Variants in CRPPA observed in about 807,000 individuals in gnomAD.
The protein encoded by CRPPA is CDP-L-ribitol pyrophosphorylase A.
CRPPA carries 43 observed loss-of-function variants against 52.0 expected under a neutral mutation model. That is an observed-to-expected ratio of 0.83 (90% CI 0.65 to 1.07). The LOEUF (loss-of-function observed/expected upper bound fraction) is 1.07. Ranked by LOEUF, CRPPA falls within the 50% of genes least tolerant of loss-of-function variation. The pLI is 0.00. For missense variants in CRPPA, 629 were observed against 551.7 expected (o/e 1.14, Z -1.40); for synonymous variants, 250 against 203.5 (o/e 1.23, Z -1.94).
At chr7:16,170,046 A>G (rs936212313) in intron 9 of CRPPA, among the ~76,000 whole-genome samples, 1 of 152,194 alleles carries the variant, frequency 6.6e-6, no homozygotes, top group African/African-American at 2.4e-5. Context: ...GTTTTAATAC[A>G]TATTAAAGTG....
At chr7:16,375,408 G>A (rs1190283815) in intron 3 of CRPPA, among the ~76,000 whole-genome samples, 1 of 152,154 alleles carries the variant, frequency 6.6e-6, no homozygotes, top group Non-Finnish European at 1.5e-5. Flanking sequence ...AATTATGTAA[G>A]TACAGCAGCA....
chr7:16,413,454 T>C (rs755313274), intron 1 of CRPPA, among the ~76,000 whole-genome samples: 15 of 152,250 alleles, frequency 9.9e-5, no homozygotes, highest in Non-Finnish European at 2.2e-4. Flanking sequence ...CAAATTCATC[T>C]AACCACACAA....
chr7:16,268,274 A>C (rs1314230422), intron 6 of CRPPA, among the ~76,000 whole-genome samples: 1 of 152,068 alleles, frequency 6.6e-6, no homozygotes, highest in Admixed American at 6.5e-5. Context: ...AAATGATAGA[A>C]AATAAAGAAA....
intron 9 of CRPPA, among the ~76,000 whole-genome samples, chr7:16,138,748 C>T (rs10950604): frequency 0.35 from 53,116 of 151,942 alleles, 10,158 homozygotes; most frequent in South Asian, 0.55. Context: ...GTTAAAATAG[C>T]TATTAAACAT....
At chr7:16,307,274 G>A (rs570682615) in intron 4 of CRPPA, among the ~76,000 whole-genome samples, 2 of 152,090 alleles carry the variant, frequency 1.3e-5, no homozygotes, top group Non-Finnish European at 2.9e-5. Flanking sequence ...CAAATGTCCT[G>A]TTCAATTCAA....
chr7:16,231,885 G>A (rs1782806930), intron 8 of CRPPA, among the ~76,000 whole-genome samples: 1 of 152,188 alleles, frequency 6.6e-6, no homozygotes, highest in South Asian at 2.1e-4. Context: ...AAAGTGAGCT[G>A]TACATGTACC....
At chr7:16,377,345 T>A (rs538452042) in intron 2 of CRPPA, among the ~76,000 whole-genome samples, 1 of 152,120 alleles carries the variant, frequency 6.6e-6, no homozygotes, top group Non-Finnish European at 1.5e-5. Flanking sequence ...CCAGTACCTA[T>A]CAGTAGAGCT....
intron 9 of CRPPA, among the ~76,000 whole-genome samples, chr7:16,128,028 G>A (rs1782611978): frequency 6.6e-6 from 1 of 152,038 alleles, no homozygotes; most frequent in South Asian, 2.1e-4. Flanking sequence ...AGTATTATGT[G>A]GGTCTTTGAG....
chr7:16,215,917 G>T, intron 9 of CRPPA, 149 bp downstream of exon 9: 2 of 514,406 alleles, frequency 3.9e-6, no homozygotes, highest in Non-Finnish European at 6.6e-6. Context: ...GAGGCAAGAG[G>T]TTCTACTATT....
At chr7:16,118,928 G>A (rs1407601291) in intron 9 of CRPPA, among the ~76,000 whole-genome samples, 1 of 152,072 alleles carries the variant, frequency 6.6e-6, no homozygotes, top group East Asian at 1.9e-4. Context: ...ACTCAGCTGA[G>A]GGAGAAAGGA....
At chr7:16,224,883 C>A (rs1782609084) in intron 8 of CRPPA, among the ~76,000 whole-genome samples, 1 of 152,112 alleles carries the variant, frequency 6.6e-6, no homozygotes, top group Non-Finnish European at 1.5e-5. Context: ...TGAACCACTT[C>A]ATTGTAGAAC....
chr7:16,103,969 A>C (rs1032081922), intron 9 of CRPPA, among the ~76,000 whole-genome samples: 27 of 152,340 alleles, frequency 1.8e-4, no homozygotes, highest in Non-Finnish European at 3.7e-4. Context: ...AAATGGGCCA[A>C]TTCAAACATA....
chr7:16,342,819 A>G (rs1057339929), intron 3 of CRPPA, among the ~76,000 whole-genome samples: 2 of 107,802 alleles, frequency 1.9e-5, no homozygotes, highest in Non-Finnish European at 3.8e-5. Context: ...ATATAGATAT[A>G]CATATATAGA....
intron 5 of CRPPA, among the ~76,000 whole-genome samples, chr7:16,286,067 ATATATAT>A (rs1784434170): frequency 6.2e-5 from 2 of 32,214 alleles, no homozygotes; most frequent in South Asian, 6.3e-4. Context: ...ATATATATAT[ATATATAT>A]ATATATAATA....
chr7:16,194,581 A>G (rs1355923172), intron 9 of CRPPA, among the ~76,000 whole-genome samples: 9 of 152,192 alleles, frequency 5.9e-5, no homozygotes, highest in African/African-American at 1.9e-4. Context: ...GAACAATCTG[A>G]GTGCCAAAGA....
chr7:16,294,216 T>C (rs1784624725), intron 5 of CRPPA, among the ~76,000 whole-genome samples: 2 of 151,992 alleles, frequency 1.3e-5, no homozygotes, highest in African/African-American at 2.4e-5. Flanking sequence ...AGCATAAATA[T>C]CATCATTTGG....
At chr7:16,181,680 TAA>T (rs1336584458) in intron 9 of CRPPA, among the ~76,000 whole-genome samples, 10 of 151,976 alleles carry the variant, frequency 6.6e-5, no homozygotes, top group Non-Finnish European at 1.2e-4. Flanking sequence ...TTTCTCAACT[TAA>T]AAAACAGCAT....
chr7:16,275,797 C>T lies in CRPPA; in HGVS notation c.933+2332G>A, dbSNP rs540417873. On this transcript the variant is annotated intron_variant, in intron 6 of 9. Transcript: ENST00000407010. ...AGGCTGCAATGAGCCATGATAGTACCAAGACCCTGTCTCGGAAAAAAACAA... is the reference window on the plus strand; with the variant it reads ...AGGCTGCAATGAGCCATGATAGTACTAAGACCCTGTCTCGGAAAAAAACAA... Among the ~76,000 whole-genome samples, 6 of 151,640 alleles carry T rather than the reference C, an allele frequency of 4.0e-5. No individual in the cohort carries two copies. The East Asian group carries it at 1.2e-3, about 29-fold the overall frequency.
At chr7:16,224,116 A>G (rs774914717) in intron 8 of CRPPA, among the ~76,000 whole-genome samples, 6 of 152,000 alleles carry the variant, frequency 3.9e-5, no homozygotes, top group Non-Finnish European at 7.4e-5. Context: ...GGTTAGCCTC[A>G]TGGCTTTGTG....
Sources: allele counts gnomAD v4.1 joint callset (sites outside exome capture counted in the v4.1 genomes callset), GRCh38; gene constraint gnomAD v4.1.1; transcripts MANE v1.5; gene names NCBI Gene and HGNC (gene_info 2026-07-23, HGNC 2026-07-21).